GPC6: variants seen among roughly 807,000 people sequenced by gnomAD.
The protein encoded by GPC6 is glypican-6.
A neutral mutation model predicts 55.2 loss-of-function variants in GPC6; 14 were observed. The ratio of observed to expected loss-of-function variants is 0.25; its 90% CI spans 0.17 to 0.40. GPC6 has a LOEUF of 0.40. Among genes scored for constraint, GPC6 ranks in the 10% least tolerant of loss-of-function variants. The probability of loss-of-function intolerance (pLI) is 1.00; values close to 1 mark genes in which losing one functional copy is unlikely to be tolerated. For synonymous variants in GPC6, 278 were observed against 259.6 expected (o/e 1.07, Z -0.68); for missense variants, 641 against 708.5 (o/e 0.90, Z 1.08).
intron 3 of GPC6, among the ~76,000 whole-genome samples, chr13:93,886,140 G>A (rs928086290): frequency 7.2e-5 from 11 of 152,054 alleles, no homozygotes; most frequent in Non-Finnish European, 1.6e-4. Context: ...TTTTAAATTG[G>A]CAAAAGTATT....
chr13:94,329,967 ACTGC>A (rs1877325242), intron 6 of GPC6, among the ~76,000 whole-genome samples: 2 of 152,212 alleles, frequency 1.3e-5, no homozygotes, highest in African/African-American at 4.8e-5. Flanking sequence ...AGCTGAAGGT[ACTGC>A]GCATTGCTGA....
chr13:93,920,756 T>C (rs1022595145), intron 3 of GPC6, among the ~76,000 whole-genome samples: 15 of 152,202 alleles, frequency 9.9e-5, no homozygotes, highest in African/African-American at 3.6e-4. Context: ...CATGTCAATT[T>C]TCTCTGCTTT....
intron 1 of GPC6, among the ~76,000 whole-genome samples, chr13:93,279,040 A>T (rs1422445345): frequency 6.6e-6 from 1 of 152,240 alleles, no homozygotes; most frequent in African/African-American, 2.4e-5. Context: ...AAAGCTGCCT[A>T]TTATTAAGGA....
intron 2 of GPC6, among the ~76,000 whole-genome samples, chr13:93,683,373 A>G (rs753741913): frequency 2.6e-5 from 4 of 152,212 alleles, no homozygotes; most frequent in Middle Eastern, 3.4e-3. Flanking sequence ...CAAGACTTCA[A>G]TTTATGATAC....
chr13:94,142,521 T>A (rs1442678604), intron 4 of GPC6, among the ~76,000 whole-genome samples: 1 of 152,186 alleles, frequency 6.6e-6, no homozygotes, highest in East Asian at 1.9e-4. Flanking sequence ...TTTCCTTTTT[T>A]AAAAACAGTT....
At chr13:93,648,273 A>G (rs185347794) in intron 2 of GPC6, among the ~76,000 whole-genome samples, 42 of 152,286 alleles carry the variant, frequency 2.8e-4, no homozygotes, top group African/African-American at 9.6e-4. Flanking sequence ...GAAATCACAT[A>G]TAATACAGGT....
At chr13:93,810,625 G>T (rs769466456) in intron 2 of GPC6, among the ~76,000 whole-genome samples, 17 of 152,120 alleles carry the variant, frequency 1.1e-4, no homozygotes, top group Non-Finnish European at 2.2e-4. Flanking sequence ...CAAAAAAAGG[G>T]CATTAAAGAA....
Position 94,125,997 on chromosome 13 carries a change from A to G in GPC6, c.877+98103A>G, listed in dbSNP as rs927493989. ...TGTAAATGAATATATACATTATTTT[A>G]TGTGTATGGAAAATTTTAAACAATT... On this transcript the variant is annotated intron_variant, in intron 4 of 8. Transcript: ENST00000377047. Among the ~76,000 whole-genome samples, 3 of 152,238 alleles carry G rather than the reference A, an allele frequency of 2.0e-5. No homozygotes were observed. In the East Asian group the frequency reaches 5.8e-4, roughly 29 times the overall value.
chr13:94,104,997 C>T (rs1371364459), intron 4 of GPC6, among the ~76,000 whole-genome samples: 2 of 152,092 alleles, frequency 1.3e-5, no homozygotes, highest in South Asian at 2.1e-4. Flanking sequence ...AAAAAAGAGC[C>T]CGCATTGCCA....
Position 94,114,869 on chromosome 13 carries a change from G to GT in GPC6, c.877+86984dup, listed in dbSNP as rs201020187. On this transcript the variant is annotated intron_variant, in intron 4 of 8. Transcript: ENST00000377047. ...CATAATAATTCTAAATGGTAGTACT[G>GT]TTTTTTTTTCCATTTTGCAGGTTTA... is the stretch of plus-strand genomic sequence containing the variant. Among the ~76,000 whole-genome samples, 387 of 150,852 alleles carry GT rather than the reference G, an allele frequency of 2.6e-3. 2 individuals carry two copies. The highest frequency in any genetic ancestry group is 8.7e-3 in the African/African-American group (357 of 41,114).
chr13:93,219,071 T>C, the GPC6 span, among the ~76,000 whole-genome samples: 1 of 151,074 alleles, frequency 6.6e-6, no homozygotes, highest in African/African-American at 2.4e-5. Flanking sequence ...TGTTTTCTCC[T>C]ACCCTGTCTT....
At chr13:93,322,728 C>T (rs555864610) in intron 1 of GPC6, among the ~76,000 whole-genome samples, 1 of 152,216 alleles carries the variant, frequency 6.6e-6, no homozygotes, top group East Asian at 1.9e-4. Flanking sequence ...GCATGAGCCA[C>T]CACACCTGGC....
intron 2 of GPC6, among the ~76,000 whole-genome samples, chr13:93,764,279 A>G (rs1885042407): frequency 6.6e-6 from 1 of 151,318 alleles, no homozygotes; most frequent in African/African-American, 2.4e-5. Flanking sequence ...GCTACCTTTC[A>G]TTATATGCAA....
intron 6 of GPC6, among the ~76,000 whole-genome samples, chr13:94,333,612 C>T (rs1594178832): frequency 6.6e-6 from 1 of 152,314 alleles, no homozygotes; most frequent in East Asian, 1.9e-4. Flanking sequence ...TTGCAATGCA[C>T]TTCAAGTCAT....
At position 93,242,967 on chromosome 13, in the gene GPC6, G is replaced by T. The variant is rs72633957; in HGVS notation, c.160+15351G>T. Among the ~76,000 whole-genome samples, 82 of 152,300 alleles carry T rather than the reference G, an allele frequency of 5.4e-4. 1 individual carries two copies. The highest frequency in any genetic ancestry group is 8.5e-4 in the Admixed American group (13 of 15,308). ...AAGTCCCTGAGCAGAACAAAGTCTC[G>T]CAATGGGTGCACACTCAGTATGGCA... On this transcript the variant is annotated intron_variant, in intron 1 of 8. Coordinates refer to ENST00000377047, the MANE Select transcript of GPC6 (RefSeq NM_005708.5).
intron 3 of GPC6, among the ~76,000 whole-genome samples, chr13:93,995,161 C>CTATTTTATTTTATTTTATTTTATTT (rs5805840): frequency 1.8e-4 from 26 of 144,406 alleles, no homozygotes; most frequent in African/African-American, 5.4e-4. Flanking sequence ...TGTACTTCAA[C>CTATTTTATTTTATTTTATTTTATTT]TATTTTATTT....
chr13:94,135,253 CAA>C (rs10535164), intron 4 of GPC6, among the ~76,000 whole-genome samples: 61,785 of 137,700 alleles, frequency 0.45, 14,099 homozygotes, highest in Middle Eastern at 0.58. Context: ...AGCTAGTATG[CAA>C]AAAAAAAAAA....
chr13:93,531,323 A>T (rs2139413556), intron 1 of GPC6, among the ~76,000 whole-genome samples: 1 of 152,062 alleles, frequency 6.6e-6, no homozygotes, highest in African/African-American at 2.4e-5. Flanking sequence ...GCTTTATTTT[A>T]AGGAATTGGC....
At chr13:94,053,021 G>A (rs1884007990) in intron 4 of GPC6, among the ~76,000 whole-genome samples, 1 of 152,130 alleles carries the variant, frequency 6.6e-6, no homozygotes, top group Admixed American at 6.6e-5. Flanking sequence ...CTCAAGCTCA[G>A]CTTCTACCAA....
Sources: allele counts gnomAD v4.1 joint callset (sites outside exome capture counted in the v4.1 genomes callset), GRCh38; gene constraint gnomAD v4.1.1; transcripts MANE v1.5; gene names NCBI Gene and HGNC (gene_info 2026-07-23, HGNC 2026-07-21).